ANKRD26: variants seen among roughly 807,000 people sequenced by gnomAD.
The protein encoded by ANKRD26 is ankyrin repeat domain 26, also known as ankyrin repeat domain-containing protein 26.
A neutral mutation model predicts 208.7 loss-of-function variants in ANKRD26; 141 were observed. That is an observed-to-expected ratio of 0.68 (90% confidence interval 0.59 to 0.78). ANKRD26 has a LOEUF of 0.78. Ranked by LOEUF, ANKRD26 falls within the 30% of genes least tolerant of loss-of-function variation. ANKRD26 has a pLI of 0.00. For missense variants in ANKRD26, 1,889 were observed against 1,938.7 expected, an observed-to-expected ratio of 0.97 and a Z score of 0.48; for synonymous variants, 636 against 660.4, an observed-to-expected ratio of 0.96 and a Z score of 0.57.
chr10:26,973,988 G>C (rs1488395258), exon 6 of ANKRD26, among the ~76,000 whole-genome samples: 1 of 151,448 alleles, frequency 6.6e-6, no homozygotes, highest in African/African-American at 2.4e-5. Context: ...TTTCTCACCT[G>C]CTTCTAGGAT....
At chr10:26,957,678 C>T in the ANKRD26 span, among the ~76,000 whole-genome samples, 6 of 152,176 alleles carry the variant, frequency 3.9e-5, no homozygotes, top group Non-Finnish European at 7.3e-5. Flanking sequence ...AAGATTAACA[C>T]TCTCTGGTCG....
rs1382740858 is a variant in ANKRD26, at chr10:27,028,843, C to T, written c.3972+9G>A. ...TTTCAGTACGACAGAAATTAAGTGG[C>T]TGACTTACCAAATTTGCATTTAACA... On this transcript the variant is annotated intron_variant, in intron 27 of 33. Coordinates refer to ENST00000376087, the MANE Select transcript of ANKRD26 (RefSeq NM_014915.3). 1.2e-6 allele frequency: 2 copies of T among 1,609,100 alleles called. No individual in the cohort carries two copies. Among genetic ancestry groups the T allele is most frequent in the Non-Finnish European group, 1.7e-6 (2 of 1,175,886 alleles).
At position 27,038,038 on chromosome 10, in the gene ANKRD26, C is replaced by A. The variant is rs560561829; in HGVS notation, c.2392G>T (p.Glu798Ter). ...LCSLRFSLNQ[E>*]EEKRRNADTL... ...TCAGCATTTCTTCTCTTCTCTTCTT[C>A]TTGGTTTAAGCTAAATCTGCAGTTA... Residue 798 changes from glutamate (E) to a stop codon, truncating the protein, a stop_gained, in exon 22 of 34, where the codon GAA becomes TAA. Transcript: ENST00000376087. LOFTEE classifies it high-confidence loss of function. 10 of 1,609,746 alleles carry A rather than the reference C, an allele frequency of 6.2e-6. No homozygotes were observed. The highest frequency in any genetic ancestry group is 7.6e-6 in the Non-Finnish European group (9 of 1,179,476).
intron 30 of ANKRD26, 101 bp from the exon 31 acceptor site, chr10:27,014,812 T>C (rs2053237280): frequency 1.1e-6 from 1 of 904,700 alleles, no homozygotes; most frequent in Admixed American, 2.4e-5. Context: ...TAACCCAAAC[T>C]CCAAAAAGAG....
At position 27,004,840 on chromosome 10, in the gene ANKRD26, C is replaced by A. The variant is rs1421214396; in HGVS notation, c.*750G>T. 6.1e-6 allele frequency: 1 copy of A among 162,960 alleles called. No homozygotes were observed. Among genetic ancestry groups the A allele is most frequent in the African/African-American group, 2.4e-5 (1 of 41,604 alleles). The allele number at this position is 162,960 out of a possible 1,614,324, so 10.1% of individuals were successfully genotyped here. On this transcript the variant is annotated 3_prime_UTR_variant, in exon 34 of 34. Transcript: ENST00000376087. ...AATGGGATCCTTTTGCTATAAAGGA[C>A]ATTACAGAGAAGTAACAAACTAGAA...
At chr10:26,962,837 G>A in the ANKRD26 span, among the ~76,000 whole-genome samples, 4 of 152,166 alleles carry the variant, frequency 2.6e-5, no homozygotes, top group African/African-American at 9.7e-5. Context: ...AGGAAGATAT[G>A]GGAGAAGTTA....
Position 27,024,572 on chromosome 10 carries a change from A to C in ANKRD26, c.3973-13T>G. 1 of 1,373,598 alleles carries C rather than the reference A, an allele frequency of 7.3e-7. No individual in the cohort carries two copies. Among genetic ancestry groups the C allele is most frequent in the Non-Finnish European group, 1.0e-6 (1 of 965,872 alleles). 85.1% of individuals were successfully genotyped at this position (1,373,598 alleles called of 1,614,324 possible). On this transcript the variant is annotated splice_polypyrimidine_tract_variant and intron_variant, in intron 27 of 33. Coordinates refer to ENST00000376087, the MANE Select transcript of ANKRD26 (RefSeq NM_014915.3). ...TTTCATCTTCAGACTTTGAAACAAA[A>C]TATTTTCAATTACTTTTAAAACTCT... is the stretch of plus-strand genomic sequence containing the variant.
intron 5 of ANKRD26, among the ~76,000 whole-genome samples, chr10:27,086,082 AG>A (rs1300159682): frequency 2.0e-5 from 3 of 152,142 alleles, no homozygotes; most frequent in African/African-American, 7.2e-5. Context: ...GCAGATTTTC[AG>A]CTGCACAGGG....
intron 1 of ANKRD26, among the ~76,000 whole-genome samples, chr10:27,095,811 T>C (rs1037921160): frequency 1.3e-5 from 2 of 152,170 alleles, no homozygotes; most frequent in African/African-American, 2.4e-5. Context: ...TGAGAGATAG[T>C]AGACTATGTT....
intron 29 of ANKRD26, among the ~76,000 whole-genome samples, chr10:27,020,035 C>A (rs1474574128): frequency 6.6e-6 from 1 of 152,188 alleles, no homozygotes; most frequent in Non-Finnish European, 1.5e-5. Flanking sequence ...GGCAAGGAGT[C>A]TGAGATAGGA....
Position 27,071,941 on chromosome 10 carries a change from A to G in ANKRD26, c.1078-4655T>C, listed in dbSNP as rs182615414. On this transcript the variant is annotated intron_variant, in intron 9 of 33. Coordinates refer to ENST00000376087, the MANE Select transcript of ANKRD26 (RefSeq NM_014915.3). ...ACAGAGGGAAGCCATTCTTGATCCT[A>G]CCTCACAGGCGTCCTGCCGGAAGTC... 6.6e-4 allele frequency among the ~76,000 whole-genome samples: 100 copies of G among 152,260 alleles called. 2 individuals are homozygous for G. The East Asian group carries it at 0.019, about 29-fold the overall frequency.
rs1309498088 is a variant in ANKRD26, at chr10:27,064,219, T to C, written c.1270-138A>G. The C allele has an allele frequency of 7.2e-6, 5 of 696,572 alleles. No individual in the cohort carries two copies. In the African/African-American group the frequency reaches 7.2e-5, roughly 10 times the overall value. The allele number at this position is 696,572 out of a possible 1,614,324, so 43.1% of individuals were successfully genotyped here. A position where few individuals can be genotyped will look rare whatever the true frequency, so the allele number is the denominator to read the frequency against. On this transcript the variant is annotated intron_variant, in intron 11 of 33. Coordinates refer to ENST00000376087, the MANE Select transcript of ANKRD26 (RefSeq NM_014915.3). ...GGCTTAAAAATAAGATAAGCATGTATTGAAAACCAAAACATTTCAATAAAG... is the reference window on the plus strand; with the variant it reads ...GGCTTAAAAATAAGATAAGCATGTACTGAAAACCAAAACATTTCAATAAAG...
At chr10:27,064,742 A>G (rs1320708005) in intron 11 of ANKRD26, among the ~76,000 whole-genome samples, 2 of 152,220 alleles carry the variant, frequency 1.3e-5, no homozygotes, top group Non-Finnish European at 2.9e-5. Context: ...GAAAGCAGTA[A>G]GAAAAATTTT....
intron 5 of ANKRD26, among the ~76,000 whole-genome samples, chr10:26,994,121 T>C (rs1233932895): frequency 4.6e-5 from 7 of 152,148 alleles, no homozygotes; most frequent in African/African-American, 1.7e-4. Context: ...GCTGGTGTCT[T>C]GGGTTAAAGC....
At chr10:27,072,921 C>T (rs1332072742) in intron 9 of ANKRD26, among the ~76,000 whole-genome samples, 2 of 152,200 alleles carry the variant, frequency 1.3e-5, no homozygotes, top group Non-Finnish European at 2.9e-5. Flanking sequence ...GGTGCTGGTA[C>T]CCGCTGCTGG....
intron 1 of ANKRD26, among the ~76,000 whole-genome samples, chr10:27,095,745 A>G (rs1459003492): frequency 1.3e-5 from 2 of 152,218 alleles, no homozygotes; most frequent in Non-Finnish European, 2.9e-5. Context: ...AAATCTCTCA[A>G]CTTGCTCAGG....
the ANKRD26 span, among the ~76,000 whole-genome samples, chr10:26,965,875 G>GA: frequency 2.0e-5 from 3 of 150,838 alleles, no homozygotes; most frequent in Non-Finnish European, 3.0e-5. Context: ...AGAAACATAT[G>GA]AAAAAAAAAC....
At chr10:27,025,001 T>C (rs1242526335) in intron 27 of ANKRD26, among the ~76,000 whole-genome samples, 1 of 152,220 alleles carries the variant, frequency 6.6e-6, no homozygotes, top group Non-Finnish European at 1.5e-5. Context: ...AGATGAGCTA[T>C]CTCTCATTCT....
chr10:26,978,601 C>T (rs979709496), intron 5 of ANKRD26, among the ~76,000 whole-genome samples: 1 of 152,200 alleles, frequency 6.6e-6, no homozygotes, highest in Non-Finnish European at 1.5e-5. Context: ...TGCATCCTCC[C>T]TCCTACTTGC....
Sources: allele counts gnomAD v4.1 joint callset (sites outside exome capture counted in the v4.1 genomes callset), GRCh38; gene constraint gnomAD v4.1.1; transcripts MANE v1.5; gene names NCBI Gene and HGNC (gene_info 2026-07-23, HGNC 2026-07-21).